The following SAMD12 variants were observed in gnomAD, a reference collection of about 807,000 sequenced individuals.
The protein encoded by SAMD12 is sterile alpha motif domain containing 12, also known as sterile alpha motif domain-containing protein 12.
In SAMD12, 9 loss-of-function variants were observed where a neutral mutation model predicts 15.0. The observed-to-expected ratio is 0.60, with a 90% CI of 0.36 to 1.05. SAMD12 has a LOEUF of 1.05. Ranked by LOEUF, SAMD12 falls within the 50% of genes least tolerant of loss-of-function variation. The pLI, the probability that SAMD12 is intolerant of heterozygous loss-of-function variation, is 0.01. For missense variants in SAMD12, 230 were observed against 234.2 expected (o/e 0.98, Z 0.12); for synonymous variants, 86 against 90.1 (o/e 0.96, Z 0.25).
At chr8:118,510,332 C>T (rs1012898386) in intron 2 of SAMD12, among the ~76,000 whole-genome samples, 1 of 152,046 alleles carries the variant, frequency 6.6e-6, no homozygotes, top group Non-Finnish European at 1.5e-5. Flanking sequence ...CACTGACAAG[C>T]ATCTCAAGTG....
intron 2 of SAMD12, among the ~76,000 whole-genome samples, chr8:118,564,311 G>T (rs1826789202): frequency 6.6e-6 from 1 of 151,854 alleles, no homozygotes; most frequent in South Asian, 2.1e-4. Context: ...CAGCTGCTGA[G>T]TACCCAGCAA....
chr8:118,168,571 T>C, the SAMD12 span, among the ~76,000 whole-genome samples: 16 of 152,330 alleles, frequency 1.1e-4, no homozygotes, highest in South Asian at 3.1e-3. Flanking sequence ...GGTTGTCTTC[T>C]TCCCGGAATA....
At chr8:118,339,804 G>A (rs1020073931) in intron 4 of SAMD12, among the ~76,000 whole-genome samples, 2 of 152,188 alleles carry the variant, frequency 1.3e-5, no homozygotes, top group Non-Finnish European at 2.9e-5. Flanking sequence ...GCAGCCCCTT[G>A]CCCCTGTCAG....
chr8:118,303,116 T>A (rs984827597), intron 4 of SAMD12, among the ~76,000 whole-genome samples: 1 of 152,208 alleles, frequency 6.6e-6, no homozygotes, highest in African/African-American at 2.4e-5. Context: ...ACAAAAGATA[T>A]GTTTTCATTT....
intron 4 of SAMD12, among the ~76,000 whole-genome samples, chr8:118,287,939 C>G (rs1452404645): frequency 6.6e-6 from 1 of 152,138 alleles, no homozygotes; most frequent in Non-Finnish European, 1.5e-5. Context: ...AGGAAAATGA[C>G]ATGGAAAGCT....
chr8:118,179,228 G>C, the SAMD12 span, among the ~76,000 whole-genome samples: 1 of 151,992 alleles, frequency 6.6e-6, no homozygotes, highest in Non-Finnish European at 1.5e-5. Flanking sequence ...ACCTGAGGTC[G>C]GGAGTTTGAG....
intron 2 of SAMD12, among the ~76,000 whole-genome samples, chr8:118,466,255 T>C (rs1384906852): frequency 1.3e-5 from 2 of 152,174 alleles, no homozygotes; most frequent in Non-Finnish European, 2.9e-5. Flanking sequence ...CTGGATCCAG[T>C]GTATGGGATC....
At chr8:118,497,730 G>C (rs540749893) in intron 2 of SAMD12, among the ~76,000 whole-genome samples, 3 of 114,446 alleles carry the variant, frequency 2.6e-5, no homozygotes, top group East Asian at 2.7e-4. Context: ...TTGCGGGGGG[G>C]GGTGGGGGGA....
intron 4 of SAMD12, among the ~76,000 whole-genome samples, chr8:118,339,876 A>G (rs1211846356): frequency 6.6e-6 from 1 of 152,226 alleles, no homozygotes; most frequent in Non-Finnish European, 1.5e-5. Context: ...GTGTGAACAG[A>G]GGCCAAGCAC....
intron 2 of SAMD12, among the ~76,000 whole-genome samples, chr8:118,441,277 C>A (rs1430489723): frequency 6.6e-6 from 1 of 152,030 alleles, no homozygotes; most frequent in Admixed American, 6.6e-5. Context: ...ATTTTATTTT[C>A]TGTGGCAATA....
chr8:118,469,960 AT>A (rs1823744387), intron 2 of SAMD12, among the ~76,000 whole-genome samples: 1 of 152,222 alleles, frequency 6.6e-6, no homozygotes, highest in Non-Finnish European at 1.5e-5. Context: ...GTCTTAATAA[AT>A]TATGACATGG....
chr8:118,609,857 C>A (rs1000447341), intron 1 of SAMD12, among the ~76,000 whole-genome samples: 2 of 152,174 alleles, frequency 1.3e-5, no homozygotes, highest in Admixed American at 1.3e-4. Context: ...TGGCAGCTCC[C>A]CTCTGATAGA....
chr8:118,167,855 C>T, the SAMD12 span, among the ~76,000 whole-genome samples: 1 of 152,138 alleles, frequency 6.6e-6, no homozygotes, highest in Non-Finnish European at 1.5e-5. Flanking sequence ...ACATGTTCAA[C>T]TACAGGTGTG....
chr8:118,444,253 T>C lies in SAMD12; in HGVS notation c.193-4292A>G, dbSNP rs114695300. ...TTTGCCCCAGTTCTTTTTCTCAATG[T>C]TCATGTCTACCACATCATTCTCTGA... On this transcript the variant is annotated intron_variant, in intron 2 of 3. Coordinates refer to ENST00000314727, the MANE Select transcript of SAMD12 (RefSeq NM_207506.3). 1.7e-3 allele frequency among the ~76,000 whole-genome samples: 266 copies of C among 152,338 alleles called. 1 individual carries two copies. Among genetic ancestry groups the C allele is most frequent in the African/African-American group, 5.7e-3 (239 of 41,580 alleles).
chr8:118,395,963 T>C (rs576354963), intron 3 of SAMD12, among the ~76,000 whole-genome samples: 27 of 151,566 alleles, frequency 1.8e-4, no homozygotes, highest in Non-Finnish European at 2.4e-4. Context: ...CAGAAAAAGT[T>C]AGAAAAAAAG....
intron 2 of SAMD12, among the ~76,000 whole-genome samples, chr8:118,503,605 T>C (rs1376065335): frequency 6.6e-6 from 1 of 152,180 alleles, no homozygotes; most frequent in Admixed American, 6.5e-5. Flanking sequence ...TTTCATCCTT[T>C]CTAAGGAAAT....
chr8:118,134,627 G>C, the SAMD12 span, among the ~76,000 whole-genome samples: 6 of 152,128 alleles, frequency 3.9e-5, no homozygotes, highest in African/African-American at 1.4e-4. Context: ...AGCAATCTAC[G>C]GTTTAATGAG....
intron 2 of SAMD12, among the ~76,000 whole-genome samples, chr8:118,485,903 T>C (rs113016789): frequency 0.022 from 3,282 of 152,316 alleles, 130 homozygotes; most frequent in African/African-American, 0.074. Context: ...AACAATGTTG[T>C]ATCAGTCAGG....
chr8:118,224,627 A>G (rs544417353), intron 4 of SAMD12, among the ~76,000 whole-genome samples: 1 of 152,328 alleles, frequency 6.6e-6, no homozygotes, highest in South Asian at 2.1e-4. Flanking sequence ...AAAAAAGAAA[A>G]TAAAACAAAT....
Sources: gnomAD v4.1 joint callset for allele counts (sites outside exome capture counted in the v4.1 genomes callset) on GRCh38, gnomAD v4.1.1 for gene constraint, MANE v1.5 for transcripts, NCBI Gene and HGNC (gene_info 2026-07-23, HGNC 2026-07-21) for gene names.